BMPR1A: variants seen among roughly 807,000 people sequenced by gnomAD.
BMPR1A encodes the protein bone morphogenetic protein receptor type-1A.
BMPR1A carries 7 observed loss-of-function variants against 66.0 expected under a neutral mutation model. The ratio of observed to expected loss-of-function variants is 0.11; its 90% CI spans 0.06 to 0.20. The LOEUF is 0.20. Ranked by LOEUF, BMPR1A falls within the 10% of genes least tolerant of loss-of-function variation. BMPR1A has a pLI of 1.00. For synonymous variants in BMPR1A, 200 were observed against 229.7 expected, an observed-to-expected ratio of 0.87 and a Z score of 1.17; for missense variants, 408 against 669.1, an observed-to-expected ratio of 0.61 and a Z score of 4.31.
chr10:86,889,868 T>C, intron 3 of BMPR1A, 194 bp from the exon 4 acceptor site: 1 of 642,386 alleles, frequency 1.6e-6, no homozygotes, highest in East Asian at 2.8e-5. Flanking sequence ...TACCCCGCAA[T>C]ACCTGGTGCA....
intron 1 of BMPR1A, among the ~76,000 whole-genome samples, chr10:86,810,020 G>T (rs1243287179): frequency 4.0e-5 from 6 of 151,860 alleles, no homozygotes. Flanking sequence ...TCTTAGGCTA[G>T]AGTGCAGTAG....
At chr10:86,769,901 CCTT>C (rs1013295291) in intron 1 of BMPR1A, among the ~76,000 whole-genome samples, 5 of 147,308 alleles carry the variant, frequency 3.4e-5, no homozygotes, top group African/African-American at 1.0e-4. Flanking sequence ...GTGGCAGTGA[CCTT>C]CTTTTAGTTC....
chr10:86,885,100 C>T (rs1269511127), intron 3 of BMPR1A, among the ~76,000 whole-genome samples: 1 of 152,160 alleles, frequency 6.6e-6, no homozygotes, highest in Non-Finnish European at 1.5e-5. Context: ...TATGACAGAA[C>T]TTTGTTTGGT....
intron 5 of BMPR1A, among the ~76,000 whole-genome samples, chr10:86,897,039 C>T (rs887432647): frequency 3.3e-5 from 5 of 152,224 alleles, no homozygotes; most frequent in African/African-American, 1.2e-4. Flanking sequence ...CGTTCTTCCA[C>T]TCCCCAGGCT....
chr10:86,847,604 C>G (rs1169558826), intron 2 of BMPR1A, among the ~76,000 whole-genome samples: 1 of 151,930 alleles, frequency 6.6e-6, no homozygotes, highest in African/African-American at 2.4e-5. Context: ...AATGCCAACA[C>G]TCTGGGAGGC....
rs1394077032 is a variant in BMPR1A at position 86,794,393 on chromosome 10, TCTG to T, written c.-268+37475_-268+37477del. 8.8e-3 allele frequency among the ~76,000 whole-genome samples: 1,342 copies of T among 152,258 alleles called. 22 individuals carry two copies. Among genetic ancestry groups the T allele is most frequent in the African/African-American group, 0.03 (1,228 of 41,548 alleles). On this transcript the variant is annotated intron_variant, in intron 1 of 12. Transcript: ENST00000372037. ...GGTGAAATCAAGATAGTAATGCTTGTCTGTATGTACTGAAATAAAGTAATAGTT... is the reference window on the plus strand; with the variant it reads ...GGTGAAATCAAGATAGTAATGCTTGTTATGTACTGAAATAAAGTAATAGTT...
At chr10:86,850,505 T>C (rs1842552286) in intron 2 of BMPR1A, among the ~76,000 whole-genome samples, 1 of 152,192 alleles carries the variant, frequency 6.6e-6, no homozygotes, top group Non-Finnish European at 1.5e-5. Flanking sequence ...ATTCTGCATT[T>C]CTAGCCAGCT....
At chr10:86,851,272 T>G (rs2133182010) in intron 2 of BMPR1A, among the ~76,000 whole-genome samples, 1 of 152,372 alleles carries the variant, frequency 6.6e-6, no homozygotes, top group South Asian at 2.1e-4. Context: ...TATGGTTTTA[T>G]GGTTGGTTTA....
intron 1 of BMPR1A, among the ~76,000 whole-genome samples, chr10:86,787,188 AATAAGTTGC>A (rs1474831395): frequency 2.0e-5 from 3 of 152,200 alleles, no homozygotes; most frequent in East Asian, 1.9e-4. Flanking sequence ...AAAAGAACTA[AATAAGTTGC>A]ATAAGAGCAC....
chr10:86,769,060 T>C (rs1415303386), intron 1 of BMPR1A, among the ~76,000 whole-genome samples: 1 of 152,222 alleles, frequency 6.6e-6, no homozygotes, highest in Non-Finnish European at 1.5e-5. Context: ...TTAAATCTGA[T>C]CTTGTTGCTT....
At chr10:86,850,289 C>T (rs1350189352) in intron 2 of BMPR1A, among the ~76,000 whole-genome samples, 4 of 151,230 alleles carry the variant, frequency 2.6e-5, no homozygotes, top group African/African-American at 9.7e-5. Context: ...CCACCGCACT[C>T]CAGCCTGGGT....
Position 86,845,497 on chromosome 10 carries a change from CAG to C in BMPR1A, c.-153+6521_-153+6522del, listed in dbSNP as rs771367769. On this transcript the variant is annotated intron_variant, in intron 2 of 12. Transcript: ENST00000372037. ...TTTGCAAAGTCTCCGAGGAACAAAA[CAG>C]AGCAGTGCCTCCACTCCCACTTGAG... Among the ~76,000 whole-genome samples the C allele has an allele frequency of 1.8e-4, 27 of 152,336 alleles. 1 individual carries two copies. Among genetic ancestry groups the C allele is most frequent in the Middle Eastern group, 3.4e-3 (1 of 294 alleles).
chr10:86,885,167 G>A lies in BMPR1A; in HGVS notation c.68-4895G>A, dbSNP rs555805216. 3.0e-4 allele frequency among the ~76,000 whole-genome samples: 46 copies of A among 152,282 alleles called. No homozygotes were observed. The South Asian group carries it at 8.7e-3, about 29-fold the overall frequency. On this transcript the variant is annotated intron_variant, in intron 3 of 12. Transcript: ENST00000372037. ...CTATAGCCCACAAACTAAATCCAGC[G>A]CATTGCTGCATTTTGTGCTGCTCAT...
At chr10:86,804,563 C>T (rs1013527829) in intron 1 of BMPR1A, among the ~76,000 whole-genome samples, 3 of 152,076 alleles carry the variant, frequency 2.0e-5, no homozygotes, top group African/African-American at 7.2e-5. Flanking sequence ...ACCCTATTTA[C>T]AAATTTATGG....
chr10:86,814,766 G>A (rs1049971948), intron 1 of BMPR1A, among the ~76,000 whole-genome samples: 4 of 151,790 alleles, frequency 2.6e-5, no homozygotes, highest in Admixed American at 6.6e-5. Context: ...TTTTGTTCCC[G>A]ATTCCTTCAC....
chr10:86,765,469 G>T (rs1352415062), intron 1 of BMPR1A, among the ~76,000 whole-genome samples: 6 of 113,868 alleles, frequency 5.3e-5, no homozygotes, highest in Non-Finnish European at 3.3e-5. Context: ...GGGCGACAGA[G>T]TAAGACTCTG....
intron 1 of BMPR1A, among the ~76,000 whole-genome samples, chr10:86,797,913 T>C (rs969676688): frequency 6.6e-6 from 1 of 152,074 alleles, no homozygotes; most frequent in Non-Finnish European, 1.5e-5. Context: ...AGTGAATATA[T>C]TTATATATTT....
intron 1 of BMPR1A, among the ~76,000 whole-genome samples, chr10:86,807,743 C>CT (rs1291444016): frequency 1.2e-4 from 19 of 152,014 alleles, no homozygotes; most frequent in Non-Finnish European, 5.9e-5. Flanking sequence ...TCTGTAATCT[C>CT]TATCAAGATA....
intron 1 of BMPR1A, among the ~76,000 whole-genome samples, chr10:86,781,851 G>T: frequency 6.9e-6 from 1 of 145,804 alleles, no homozygotes; most frequent in Admixed American, 7.3e-5. Context: ...GCATATGACA[G>T]GATTTCTTTT....
Sources: allele counts gnomAD v4.1 joint callset (sites outside exome capture counted in the v4.1 genomes callset), GRCh38; gene constraint gnomAD v4.1.1; transcripts MANE v1.5; gene names NCBI Gene and HGNC (gene_info 2026-07-23, HGNC 2026-07-21).